Variants in CDK7 observed in about 807,000 individuals in gnomAD.
CDK7 encodes cyclin-dependent kinase 7.
CDK7 carries 25 observed loss-of-function variants against 49.1 expected under a neutral mutation model. The ratio of observed to expected loss-of-function variants is 0.51; its 90% confidence interval spans 0.37 to 0.71. The LOEUF (loss-of-function observed/expected upper bound fraction) is 0.71. CDK7 is among the 30% of genes least tolerant of loss of function. The pLI is 0.00. For missense variants in CDK7, 316 were observed against 411.7 expected (o/e 0.77, Z 2.01); for synonymous variants, 107 against 140.0 (o/e 0.76, Z 1.67).
chr5:69,257,389 A>G (rs1750557678), intron 5 of CDK7, among the ~76,000 whole-genome samples: 1 of 152,194 alleles, frequency 6.6e-6, no homozygotes, highest in Non-Finnish European at 1.5e-5. Context: ...ATAAACTGAC[A>G]TTAGGCACAG....
intron 5 of CDK7, chr5:69,255,929 TTC>T (rs1323635709): frequency 5.8e-6 from 1 of 172,194 alleles, no homozygotes; most frequent in African/African-American, 2.4e-5. Context: ...GTTCCAGTGA[TTC>T]TCTCACTTCA....
rs7716060 is a variant in CDK7 at position 69,275,801 on chromosome 5, C to G, written c.865-742C>G. 0.01 allele frequency among the ~76,000 whole-genome samples: 1,549 copies of G among 152,168 alleles called. 113 individuals are homozygous for G. The East Asian group carries it at 0.2, about 19-fold the overall frequency. On this transcript the variant is annotated intron_variant, in intron 10 of 11. Coordinates refer to ENST00000256443, the MANE Select transcript of CDK7 (RefSeq NM_001799.4). ...CAAGCCTGGCCAATATAGCAAGACCCCATTCTCCACAAAAAATAAGTGTAA... is the reference window on the plus strand; with the variant it reads ...CAAGCCTGGCCAATATAGCAAGACCGCATTCTCCACAAAAAATAAGTGTAA...
chr5:69,237,808 A>C (rs1749103902), intron 2 of CDK7, among the ~76,000 whole-genome samples: 1 of 152,156 alleles, frequency 6.6e-6, no homozygotes, highest in African/African-American at 2.4e-5. Context: ...AAAATTAGCC[A>C]GGCATGGTGC....
At chr5:69,253,836 C>G (rs564220136) in intron 3 of CDK7, among the ~76,000 whole-genome samples, 3 of 152,246 alleles carry the variant, frequency 2.0e-5, no homozygotes, top group African/African-American at 4.8e-5. Context: ...CCATGGCTTA[C>G]GCCTGTAATC....
Position 69,261,488 on chromosome 5 carries a change from CTCTGTG to C in CDK7, c.528-715_528-710del, listed in dbSNP as rs1295743939. Among the ~76,000 whole-genome samples the C allele has an allele frequency of 1.0e-3, 125 of 120,358 alleles. 1 individual carries two copies. The East Asian group carries it at 0.015, about 14-fold the overall frequency. 79.0% of individuals were successfully genotyped at this position (120,358 alleles called of 152,430 possible). Reference sequence around the variant, plus strand: ...GGATGAAAGCCTGATTGAAAAGGTTCTCTGTGTGTGTGTGTGTGTGTGTGTGTGTGT... The same window carrying C: ...GGATGAAAGCCTGATTGAAAAGGTTCTGTGTGTGTGTGTGTGTGTGTGTGT... On this transcript the variant is annotated intron_variant, in intron 7 of 11. Coordinates refer to ENST00000256443, the MANE Select transcript of CDK7 (RefSeq NM_001799.4).
chr5:69,245,684 G>A (rs1749706799), intron 2 of CDK7, among the ~76,000 whole-genome samples: 1 of 151,980 alleles, frequency 6.6e-6, no homozygotes, highest in African/African-American at 2.4e-5. Flanking sequence ...TCAGGTCTTG[G>A]GCTTTTTGCT....
intron 3 of CDK7, among the ~76,000 whole-genome samples, chr5:69,253,236 T>C (rs1159884587): frequency 2.0e-5 from 3 of 152,226 alleles, no homozygotes; most frequent in Non-Finnish European, 4.4e-5. Flanking sequence ...CCATTGTCTG[T>C]GTAAGTGCCA....
At position 69,235,434 on chromosome 5, in the gene CDK7, A is replaced by G. The variant is rs779716833; in HGVS notation, c.107A>G (p.Gln36Arg). 2 of 1,603,100 alleles carry G rather than the reference A, an allele frequency of 1.2e-6. No homozygotes were observed. Among genetic ancestry groups the G allele is most frequent in the African/African-American group, 1.3e-5 (1 of 74,534 alleles). The change falls in exon 2 of 12, where the codon CAA (glutamine) becomes CGA (arginine). Residue 36 changes from glutamine to arginine, a missense_variant. Coordinates refer to ENST00000256443, the MANE Select transcript of CDK7 (RefSeq NM_001799.4). ...VYKARDKNTN[Q>R]IVAIKKIKLG... ...AAGGCCAGAGATAAGAACACCAACCAAATTGTCGCCATTAAGAAAGTGAGT... is the reference window on the plus strand; with the variant it reads ...AAGGCCAGAGATAAGAACACCAACCGAATTGTCGCCATTAAGAAAGTGAGT...
chr5:69,250,253 C>T (rs1750051352), intron 2 of CDK7, among the ~76,000 whole-genome samples: 2 of 152,138 alleles, frequency 1.3e-5, no homozygotes, highest in South Asian at 4.1e-4. Flanking sequence ...TAGAGTGTTG[C>T]AATCTATGTC....
Position 69,254,674 on chromosome 5 carries a change from G to C in CDK7, c.228+5G>C. The C allele has an allele frequency of 6.9e-7, 1 of 1,455,902 alleles. No individual in the cohort carries two copies. Among genetic ancestry groups the C allele is most frequent in the Non-Finnish European group, 9.6e-7 (1 of 1,036,390 alleles). 90.2% of individuals were successfully genotyped at this position (1,455,902 alleles called of 1,614,324 possible). A position where few individuals can be genotyped will look rare whatever the true frequency, so the allele number is the denominator to read the frequency against. ...AGTCATCCAAATATAATTGGTGTGAGTATGATCAAAACTGTTACTGGGATT... is the reference window on the plus strand; with the variant it reads ...AGTCATCCAAATATAATTGGTGTGACTATGATCAAAACTGTTACTGGGATT... On this transcript the variant is annotated splice_donor_5th_base_variant and intron_variant, in intron 4 of 11. Transcript: ENST00000256443.
At chr5:69,257,548 C>T (rs1467871056) in intron 5 of CDK7, among the ~76,000 whole-genome samples, 1 of 152,122 alleles carries the variant, frequency 6.6e-6, no homozygotes, top group African/African-American at 2.4e-5. Flanking sequence ...ACCTGAGGAA[C>T]GAAAGTGCTT....
chr5:69,255,156 T>C (rs1470726663), intron 4 of CDK7, among the ~76,000 whole-genome samples: 5 of 152,244 alleles, frequency 3.3e-5, no homozygotes, highest in African/African-American at 1.2e-4. Context: ...TTTGGGACTT[T>C]TCTTTTGAAT....
intron 9 of CDK7, among the ~76,000 whole-genome samples, chr5:69,270,508 A>T (rs1751459140): frequency 6.6e-6 from 1 of 152,150 alleles, no homozygotes; most frequent in Non-Finnish European, 1.5e-5. Flanking sequence ...CTTTTACAAG[A>T]TGGGAGCATC....
At chr5:69,242,634 G>A (rs988940373) in intron 2 of CDK7, among the ~76,000 whole-genome samples, 1 of 152,202 alleles carries the variant, frequency 6.6e-6, no homozygotes, top group African/African-American at 2.4e-5. Flanking sequence ...CAAGGAGTGG[G>A]TTAATTTTGG....
At chr5:69,250,978 G>A in intron 2 of CDK7, 1 of 438,538 alleles carries the variant, frequency 2.3e-6, no homozygotes, top group Non-Finnish European at 4.6e-6. Flanking sequence ...TGCCCAGGCT[G>A]GAATGCAGTG....
intron 11 of CDK7, 31 bp from the exon 12 acceptor site, chr5:69,277,075 CT>C (rs199570737): frequency 9.0e-4 from 1,282 of 1,428,614 alleles, no homozygotes; most frequent in South Asian, 2.1e-3. Flanking sequence ...ATGTGAACAA[CT>C]TTTTTTTTTC....
chr5:69,251,543 T>G (rs1379063162), intron 2 of CDK7, among the ~76,000 whole-genome samples: 1 of 152,218 alleles, frequency 6.6e-6, no homozygotes. Flanking sequence ...CTTGTGTTTT[T>G]GTTTTTTTGT....
chr5:69,252,271 ACT>A (rs1181346424), intron 2 of CDK7, 145 bp from the exon 3 acceptor site: 4 of 604,302 alleles, frequency 6.6e-6, no homozygotes, highest in East Asian at 3.1e-5. Flanking sequence ...CATGATTCCT[ACT>A]CTCTTTTTGC....
At chr5:69,270,066 C>CAAAA (rs768838177) in intron 9 of CDK7, among the ~76,000 whole-genome samples, 1 of 65,584 alleles carries the variant, frequency 1.5e-5, no homozygotes, top group African/African-American at 5.4e-5. Context: ...ACTCTGTCTC[C>CAAAA]AAAAAAAAAA....
Sources: gnomAD v4.1 joint callset for allele counts (sites outside exome capture counted in the v4.1 genomes callset) on GRCh38, gnomAD v4.1.1 for gene constraint, MANE v1.5 for transcripts, NCBI Gene and HGNC (gene_info 2026-07-23, HGNC 2026-07-21) for gene names.